Variants in SCAMP1 observed in about 807,000 individuals in gnomAD.
SCAMP1 encodes secretory carrier-associated membrane protein 1.
In SCAMP1, 15 loss-of-function variants were observed where a neutral mutation model predicts 41.8. That is an observed-to-expected ratio of 0.36 (90% CI 0.24 to 0.55). The LOEUF is 0.55. SCAMP1 is among the 20% of genes least tolerant of loss of function. The pLI is 0.86. For synonymous variants in SCAMP1, 135 were observed against 136.8 expected (o/e 0.99, Z 0.09); for missense variants, 341 against 412.6 (o/e 0.83, Z 1.50).
chr5:78,372,648 C>T (rs1343273707), intron 1 of SCAMP1, among the ~76,000 whole-genome samples: 3 of 152,042 alleles, frequency 2.0e-5, no homozygotes, highest in Non-Finnish European at 4.4e-5. Context: ...TTTGTCATAA[C>T]AATAAAAGGA....
chr5:78,415,114 C>T lies in SCAMP1; in HGVS notation c.136-406C>T, dbSNP rs377663411. Among the ~76,000 whole-genome samples the T allele has an allele frequency of 3.9e-3, 592 of 151,876 alleles. 4 individuals are homozygous for T. The highest frequency in any genetic ancestry group is 0.013 in the African/African-American group (549 of 41,414). ...GATTACAGGTGCCCGCCACCACACCCGGCTAATTTTTGTATTTTTAGTAGA... is the reference window on the plus strand; with the variant it reads ...GATTACAGGTGCCCGCCACCACACCTGGCTAATTTTTGTATTTTTAGTAGA... On this transcript the variant is annotated intron_variant, in intron 2 of 8. Transcript: ENST00000621999.
intron 6 of SCAMP1, among the ~76,000 whole-genome samples, chr5:78,442,335 A>G (rs920836971): frequency 2.6e-5 from 4 of 152,116 alleles, no homozygotes; most frequent in Admixed American, 2.0e-4. Flanking sequence ...CCGTGGCTCT[A>G]TCTCTGCTCA....
chr5:78,361,755 T>C (rs1438173974), intron 1 of SCAMP1, among the ~76,000 whole-genome samples: 1 of 152,272 alleles, frequency 6.6e-6, no homozygotes, highest in Non-Finnish European at 1.5e-5. Context: ...GTAGTAACTT[T>C]AATTTGCAGT....
intron 6 of SCAMP1, among the ~76,000 whole-genome samples, chr5:78,437,782 A>G (rs1752798388): frequency 6.6e-6 from 1 of 152,214 alleles, no homozygotes; most frequent in Admixed American, 6.5e-5. Flanking sequence ...TAGTTTCAGA[A>G]GGAATGGTAC....
At chr5:78,436,478 G>T (rs568713485) in intron 6 of SCAMP1, among the ~76,000 whole-genome samples, 6 of 152,262 alleles carry the variant, frequency 3.9e-5, no homozygotes, top group African/African-American at 1.4e-4. Context: ...TATTAAATAG[G>T]GAATCCTTTC....
Position 78,480,006 on chromosome 5 carries a change from A to G in SCAMP1, c.*4338A>G, listed in dbSNP as rs1580728948. 1.3e-5 allele frequency among the ~76,000 whole-genome samples: 2 copies of G among 151,874 alleles called. No individual in the cohort carries two copies. The highest frequency in any genetic ancestry group is 2.9e-5 in the Non-Finnish European group (2 of 67,994). ...GCTTGCAGTGAGCCGAGATCTCTCCACTGCACTCCAGCCTGGGCGACAGAG... is the reference window on the plus strand; with the variant it reads ...GCTTGCAGTGAGCCGAGATCTCTCCGCTGCACTCCAGCCTGGGCGACAGAG... On this transcript the variant is annotated 3_prime_UTR_variant, in exon 9 of 9. Coordinates refer to ENST00000621999, the MANE Select transcript of SCAMP1 (RefSeq NM_004866.6).
chr5:78,448,373 G>T (rs1032417804), intron 6 of SCAMP1, among the ~76,000 whole-genome samples: 2 of 150,094 alleles, frequency 1.3e-5, no homozygotes, highest in Admixed American at 6.6e-5. Context: ...AGCAACAGAC[G>T]GAGGGAAAAT....
At chr5:78,377,497 C>T (rs1000705901) in intron 1 of SCAMP1, among the ~76,000 whole-genome samples, 2 of 152,124 alleles carry the variant, frequency 1.3e-5, no homozygotes, top group Non-Finnish European at 2.9e-5. Context: ...TTCCTCGTGT[C>T]CAATTCTAAA....
At chr5:78,396,543 A>G (rs981211607) in intron 2 of SCAMP1, among the ~76,000 whole-genome samples, 6 of 152,234 alleles carry the variant, frequency 3.9e-5, no homozygotes, top group African/African-American at 1.4e-4. Context: ...AGTTGATTGT[A>G]TGAATCTGGT....
At chr5:78,412,286 T>G (rs1021693050) in intron 2 of SCAMP1, among the ~76,000 whole-genome samples, 5 of 152,116 alleles carry the variant, frequency 3.3e-5, no homozygotes, top group African/African-American at 7.2e-5. Flanking sequence ...CTTTTCTGAA[T>G]GTTTAGAATG....
At chr5:78,454,601 A>C (rs1485080184) in intron 7 of SCAMP1, among the ~76,000 whole-genome samples, 1 of 151,846 alleles carries the variant, frequency 6.6e-6, no homozygotes, top group East Asian at 1.9e-4. Context: ...TTTATTGAGG[A>C]TTTTTGCGTC....
In SCAMP1 at chr5:78,459,273, A is replaced by C. The variant is rs377285944; in HGVS notation, c.763A>C (p.Asn255His). The stretch of plus-strand genomic sequence containing the variant: ...TTGGATTTCATCCCTTACTGGTCTC[A>C]ACCAAAATATTCCTGTTGGAATCAT... ...CGWISSLTGL[N>H]QNIPVGIMMI... The change falls in exon 8 of 9, where the codon AAC becomes CAC. Residue 255 changes from asparagine (N) to histidine (H), a missense_variant. Asn to His is a moderately conservative substitution (Grantham distance 68, BLOSUM62 1). Transcript: ENST00000621999. 3.1e-5 allele frequency: 50 copies of C among 1,602,010 alleles called. No homozygotes were observed. The highest frequency in any genetic ancestry group is 4.2e-5 in the Non-Finnish European group (49 of 1,169,910).
chr5:78,463,531 ATCT>A (rs1430316719), intron 8 of SCAMP1, among the ~76,000 whole-genome samples: 1 of 152,234 alleles, frequency 6.6e-6, no homozygotes, highest in South Asian at 2.1e-4. Flanking sequence ...GATTGATGTC[ATCT>A]TCTCACAGTA....
At chr5:78,410,072 A>G (rs1158742506) in intron 2 of SCAMP1, among the ~76,000 whole-genome samples, 1 of 150,872 alleles carries the variant, frequency 6.6e-6, no homozygotes, top group Non-Finnish European at 1.5e-5. Context: ...TTGGGACAAT[A>G]TATGTGAGAA....
At chr5:78,390,270 A>G (rs1751452974) in intron 2 of SCAMP1, among the ~76,000 whole-genome samples, 1 of 152,216 alleles carries the variant, frequency 6.6e-6, no homozygotes, top group African/African-American at 2.4e-5. Context: ...AAAGCATTAA[A>G]ATAAGAATGA....
At chr5:78,376,237 T>G (rs1751062238) in intron 1 of SCAMP1, among the ~76,000 whole-genome samples, 1 of 152,184 alleles carries the variant, frequency 6.6e-6, no homozygotes, top group East Asian at 1.9e-4. Context: ...ATATTGGGGG[T>G]GGGTTCCCCC....
rs934993939 is a variant in SCAMP1, at chr5:78,478,334, G to A, written c.*2666G>A. The A allele has an allele frequency of 6.6e-6, 1 of 152,540 alleles. No individual in the cohort carries two copies. Among genetic ancestry groups the A allele is most frequent in the Non-Finnish European group, 1.5e-5 (1 of 67,980 alleles). The allele number at this position is 152,540 out of a possible 1,614,324, so 9.4% of individuals were successfully genotyped here. ...TAATAGCAATTCAGAGACAGACATT[G>A]TTAAAGGTTTGATGTATATAGAAAT... On this transcript the variant is annotated 3_prime_UTR_variant, in exon 9 of 9. Coordinates refer to ENST00000621999, the MANE Select transcript of SCAMP1 (RefSeq NM_004866.6).
At chr5:78,415,443 A>G in intron 2 of SCAMP1, 77 bp from the exon 3 acceptor site, 1 of 828,160 alleles carries the variant, frequency 1.2e-6, no homozygotes, top group Non-Finnish European at 1.9e-6. Flanking sequence ...TTTTCATTTT[A>G]TTGGTGTTAT....
intron 8 of SCAMP1, among the ~76,000 whole-genome samples, chr5:78,472,603 T>G (rs1481677372): frequency 6.6e-6 from 1 of 152,088 alleles, no homozygotes; most frequent in African/African-American, 2.4e-5. Flanking sequence ...CACATGGATA[T>G]AATGGATTTA....
Sources: gnomAD v4.1 joint callset for allele counts (sites outside exome capture counted in the v4.1 genomes callset) on GRCh38, gnomAD v4.1.1 for gene constraint, MANE v1.5 for transcripts, NCBI Gene and HGNC (gene_info 2026-07-23, HGNC 2026-07-21) for gene names.